HP1BP3: variants seen among roughly 807,000 people sequenced by gnomAD.
HP1BP3 encodes the protein heterochromatin protein 1 binding protein 3, also known as heterochromatin protein 1-binding protein 3.
Under a neutral mutation model 62.5 loss-of-function variants are expected in HP1BP3, and 12 were observed. That is an observed-to-expected ratio of 0.19 (90% CI 0.12 to 0.31). The LOEUF (loss-of-function observed/expected upper bound fraction) is 0.31. Ranked by LOEUF, HP1BP3 falls within the 10% of genes least tolerant of loss-of-function variation. The pLI is 1.00. For missense variants in HP1BP3, 502 were observed against 651.8 expected (o/e 0.77, Z 2.50); for synonymous variants, 260 against 237.8 (o/e 1.09, Z -0.86).
chr1:20,751,046 A>G lies in HP1BP3; in HGVS notation c.982-1164T>C, dbSNP rs573283581. Among the ~76,000 whole-genome samples, 226 of 151,858 alleles carry G rather than the reference A, an allele frequency of 1.5e-3. 1 individual carries two copies. The highest frequency in any genetic ancestry group is 6.8e-3 in the Middle Eastern group (2 of 294). ...TGGCCAGGCTAGTCTCGAACTCCAG[A>G]CCTCAGGAGATCTGCCTGCCTCGGC... On this transcript the variant is annotated intron_variant, in intron 9 of 12. Coordinates refer to ENST00000438032, the MANE Select transcript of HP1BP3 (RefSeq NM_001372052.1).
chr1:20,773,321 T>C (rs2057146445), intron 5 of HP1BP3, 130 bp downstream of exon 5: 3 of 600,026 alleles, frequency 5.0e-6, no homozygotes, highest in Admixed American at 4.1e-5. Context: ...TATAATGACT[T>C]TCCTCTCTTT....
At chr1:20,766,698 G>A (rs1336984919) in intron 7 of HP1BP3, among the ~76,000 whole-genome samples, 1 of 152,202 alleles carries the variant, frequency 6.6e-6, no homozygotes, top group African/African-American at 2.4e-5. Flanking sequence ...CCAGCACGTT[G>A]GGAGGCGGAG....
At chr1:20,776,189 C>G in intron 4 of HP1BP3, 1 of 524,742 alleles carries the variant, frequency 1.9e-6, no homozygotes. Flanking sequence ...TCAATGCCTT[C>G]TAACATAAGC....
At chr1:20,779,614 T>C (rs529756024) in intron 3 of HP1BP3, among the ~76,000 whole-genome samples, 198 bp downstream of exon 3, 2 of 151,490 alleles carry the variant, frequency 1.3e-5, no homozygotes, top group East Asian at 1.9e-4. Flanking sequence ...AAAACCTTTA[T>C]AGAGAAGATG....
chr1:20,784,095 T>TA (rs1240252605), intron 1 of HP1BP3, among the ~76,000 whole-genome samples: 1 of 152,074 alleles, frequency 6.6e-6, no homozygotes, highest in Admixed American at 6.6e-5. Flanking sequence ...TTAGTCTCCC[T>TA]AGTAGCTGGG....
At chr1:20,776,916 T>A (rs758371360) in intron 3 of HP1BP3, among the ~76,000 whole-genome samples, 166 bp from the exon 4 acceptor site, 10 of 152,244 alleles carry the variant, frequency 6.6e-5, no homozygotes, top group African/African-American at 2.4e-4. Context: ...ACATTCTTTA[T>A]GTCACTCAAG....
intron 1 of HP1BP3, among the ~76,000 whole-genome samples, chr1:20,782,481 G>A (rs1309220282): frequency 2.6e-5 from 4 of 151,754 alleles, no homozygotes; most frequent in Non-Finnish European, 4.4e-5. Context: ...TACTTGGGAA[G>A]CTGAGACTGG....
At chr1:20,767,002 G>GTT (rs2056817965) in intron 7 of HP1BP3, among the ~76,000 whole-genome samples, 1 of 152,036 alleles carries the variant, frequency 6.6e-6, no homozygotes, top group Admixed American at 6.6e-5. Context: ...ACCTCCTCTA[G>GTT]TTTAAAAGAT....
chr1:20,764,942 G>A (rs1016001976), intron 8 of HP1BP3, among the ~76,000 whole-genome samples: 1 of 151,630 alleles, frequency 6.6e-6, no homozygotes, highest in Non-Finnish European at 1.5e-5. Context: ...GCCGAGGCAG[G>A]TGGATCACTT....
intron 3 of HP1BP3, among the ~76,000 whole-genome samples, chr1:20,777,043 A>G (rs1480021645): frequency 6.6e-6 from 1 of 152,208 alleles, no homozygotes; most frequent in Non-Finnish European, 1.5e-5. Flanking sequence ...AATATTCATG[A>G]GACTCATAAT....
At chr1:20,747,071 C>T (rs564664585) in intron 11 of HP1BP3, among the ~76,000 whole-genome samples, 21 of 152,276 alleles carry the variant, frequency 1.4e-4, no homozygotes, top group Admixed American at 4.6e-4. Flanking sequence ...TTATCATTTA[C>T]TTGATAAAGA....
intron 9 of HP1BP3, among the ~76,000 whole-genome samples, chr1:20,752,317 CAG>C (rs2055817487): frequency 6.6e-6 from 1 of 151,102 alleles, no homozygotes; most frequent in Admixed American, 6.6e-5. Flanking sequence ...TTTTTGGAGA[CAG>C]AGTTTCGCTG....
chr1:20,771,983 C>G (rs1156659261), intron 5 of HP1BP3, among the ~76,000 whole-genome samples: 1 of 152,144 alleles, frequency 6.6e-6, no homozygotes, highest in Non-Finnish European at 1.5e-5. Context: ...AAAGATTGCA[C>G]AACACGAAAC....
In HP1BP3 at chr1:20,744,827, G is replaced by A. The variant is rs2055204185; in HGVS notation, c.1632C>T (p.Thr544=). The A allele has an allele frequency of 2.5e-6, 4 of 1,611,744 alleles. No homozygotes were observed. The South Asian group carries it at 3.3e-5, about 13-fold the overall frequency. ...TTTTCACTCTGAAAGACTTCTTCAT[G>A]GTGGATTTGCCCTTGCCCGGCAATT... is the stretch of plus-strand genomic sequence containing the variant. ...EVKLPGKGKS[T]MKKSFRVKK Residue 544 remains threonine, a synonymous_variant, in exon 13 of 13, where the codon ACC becomes ACT. Coordinates refer to ENST00000438032, the MANE Select transcript of HP1BP3 (RefSeq NM_001372052.1).
intron 8 of HP1BP3, among the ~76,000 whole-genome samples, chr1:20,763,342 T>G (rs983141565): frequency 2.6e-5 from 4 of 152,236 alleles, no homozygotes; most frequent in Non-Finnish European, 5.9e-5. Context: ...ACTCAGCATA[T>G]AAGAAGCATG....
chr1:20,759,880 ATTTTTT>A (rs71014104), intron 8 of HP1BP3, among the ~76,000 whole-genome samples: 2 of 113,020 alleles, frequency 1.8e-5, no homozygotes, highest in Non-Finnish European at 3.5e-5. Context: ...TTAAAGACCG[ATTTTTT>A]TTTTTTTTTT....
intron 4 of HP1BP3, chr1:20,776,259 G>C (rs1040530432): frequency 2.1e-5 from 9 of 437,052 alleles, no homozygotes; most frequent in African/African-American, 1.2e-4. Flanking sequence ...ATGTCTTCTA[G>C]GTCAGATTTT....
intron 9 of HP1BP3, among the ~76,000 whole-genome samples, chr1:20,755,583 A>T (rs1570581688): frequency 6.6e-6 from 1 of 152,076 alleles, no homozygotes; most frequent in South Asian, 2.1e-4. Flanking sequence ...TCAAAACAAA[A>T]CAAAACGACT....
chr1:20,767,536 T>C lies in HP1BP3; in HGVS notation c.735+48A>G, dbSNP rs531627001. On this transcript the variant is annotated intron_variant, in intron 7 of 12. Transcript: ENST00000438032. The stretch of plus-strand genomic sequence containing the variant: ...ACTCAATGAATGTTGCTATTTTTAG[T>C]AGCAGTAACAGCTCCACAGCACTCA... 13 of 1,179,268 alleles carry C rather than the reference T, an allele frequency of 1.1e-5. No individual in the cohort carries two copies. In the South Asian group the frequency reaches 1.1e-4, roughly 10 times the overall value. 73.1% of individuals were successfully genotyped at this position (1,179,268 alleles called of 1,614,324 possible).
Sources: allele counts gnomAD v4.1 joint callset (sites outside exome capture counted in the v4.1 genomes callset), GRCh38; gene constraint gnomAD v4.1.1; transcripts MANE v1.5; gene names NCBI Gene and HGNC (gene_info 2026-07-23, HGNC 2026-07-21).